KCNN2: variants seen among roughly 807,000 people sequenced by gnomAD.
KCNN2 encodes potassium calcium-activated channel subfamily N member 2.
KCNN2 carries 24 observed loss-of-function variants against 55.5 expected under a neutral mutation model. The ratio of observed to expected loss-of-function variants is 0.43; its 90% CI spans 0.31 to 0.61. The LOEUF (loss-of-function observed/expected upper bound fraction) is 0.61, where lower values mean the gene tolerates loss of function less well. Ranked by LOEUF, KCNN2 falls within the 20% of genes least tolerant of loss-of-function variation. The probability of loss-of-function intolerance (pLI) is 0.08; values close to 1 mark genes in which losing one functional copy is unlikely to be tolerated. For synonymous variants in KCNN2, 431 were observed against 336.1 expected, an observed-to-expected ratio of 1.28 and a Z score of -3.09; for missense variants, 754 against 853.6, an observed-to-expected ratio of 0.88 and a Z score of 1.45.
chr5:114,272,730 C>T (rs1478952932), intron 2 of KCNN2, among the ~76,000 whole-genome samples: 2 of 151,954 alleles, frequency 1.3e-5, no homozygotes, highest in African/African-American at 4.8e-5. Flanking sequence ...TTAATGTTGG[C>T]TTTTTTGCCT....
chr5:114,094,728 C>A (rs1043834305), intron 1 of KCNN2, among the ~76,000 whole-genome samples: 1 of 152,120 alleles, frequency 6.6e-6, no homozygotes, highest in East Asian at 1.9e-4. Flanking sequence ...CCTATTTTGA[C>A]AATTATAAGA....
chr5:114,431,127 C>T (rs773335584), intron 3 of KCNN2, among the ~76,000 whole-genome samples: 4 of 152,192 alleles, frequency 2.6e-5, no homozygotes, highest in Non-Finnish European at 4.4e-5. Flanking sequence ...ACCCCCCCAT[C>T]CCGGCTTCTG....
At chr5:114,132,121 G>A (rs1311363360) in intron 1 of KCNN2, among the ~76,000 whole-genome samples, 1 of 152,136 alleles carries the variant, frequency 6.6e-6, no homozygotes, top group Admixed American at 6.5e-5. Flanking sequence ...CTGTGCAGAA[G>A]CTCTTTAGTT....
At chr5:114,326,150 G>T (rs375156257) in intron 2 of KCNN2, among the ~76,000 whole-genome samples, 10 of 152,214 alleles carry the variant, frequency 6.6e-5, no homozygotes, top group African/African-American at 2.2e-4. Flanking sequence ...TGTGATATTT[G>T]TGTGAAGGAG....
intron 2 of KCNN2, among the ~76,000 whole-genome samples, chr5:114,314,765 T>G (rs967143247): frequency 6.6e-6 from 1 of 152,120 alleles, no homozygotes; most frequent in African/African-American, 2.4e-5. Context: ...CCAGGCCCAC[T>G]CACTTGCCAA....
intron 3 of KCNN2, among the ~76,000 whole-genome samples, chr5:114,457,718 C>T (rs530752343): frequency 6.6e-6 from 1 of 152,264 alleles, no homozygotes; most frequent in East Asian, 1.9e-4. Flanking sequence ...CTTTTGAATT[C>T]TTAACCTCCC....
chr5:114,200,700 GTA>G (rs957467759), intron 1 of KCNN2, among the ~76,000 whole-genome samples: 3 of 151,754 alleles, frequency 2.0e-5, no homozygotes, highest in African/African-American at 7.3e-5. Context: ...TCCTGAGGAT[GTA>G]TATATCTGTT....
In KCNN2 at chr5:114,362,826, G is replaced by A. The variant is rs751773183; in HGVS notation, c.687G>A (p.Leu229=). The change falls in exon 1 of 8, where the codon TTG becomes TTA. Residue 229 remains leucine, a synonymous_variant. Transcript: ENST00000673685. The part of the protein sequence containing the change: ...NGGVMRPLSN[L]SASRRNLHEM... ...GCGTCATGCGGCCGCTCAGCAACTT[G>A]AGCGCGTCCCGCCGGAACCTGCACG... 36 of 1,599,344 alleles carry A rather than the reference G, an allele frequency of 2.3e-5. No homozygotes were observed. The highest frequency in any genetic ancestry group is 2.8e-5 in the Non-Finnish European group (33 of 1,178,328).
intron 1 of KCNN2, among the ~76,000 whole-genome samples, chr5:114,197,352 G>A (rs569578223): frequency 1.3e-5 from 2 of 152,270 alleles, no homozygotes; most frequent in South Asian, 4.1e-4. Flanking sequence ...TTGGTTTATA[G>A]AATTGTTCAA....
intron 2 of KCNN2, among the ~76,000 whole-genome samples, chr5:114,233,233 T>C (rs569195699): frequency 3.3e-5 from 5 of 152,238 alleles, no homozygotes; most frequent in African/African-American, 1.2e-4. Flanking sequence ...TGTTTCTTGT[T>C]TTAACAGATA....
intron 2 of KCNN2, among the ~76,000 whole-genome samples, chr5:114,241,777 TATATAC>T (rs1754639899): frequency 1.1e-4 from 2 of 18,862 alleles, no homozygotes; most frequent in East Asian, 2.2e-3. Context: ...TATATATACA[TATATAC>T]GTATATATAT....
chr5:114,246,420 G>A (rs1040982425), intron 2 of KCNN2, among the ~76,000 whole-genome samples: 1 of 152,044 alleles, frequency 6.6e-6, no homozygotes, highest in Non-Finnish European at 1.5e-5. Flanking sequence ...CATTTTTCAT[G>A]GTTATGAATA....
At chr5:114,437,260 A>G (rs1036200253) in intron 3 of KCNN2, among the ~76,000 whole-genome samples, 8 of 152,202 alleles carry the variant, frequency 5.3e-5, no homozygotes, top group African/African-American at 1.2e-4. Flanking sequence ...TCCCAGAACA[A>G]TGGAACAGCA....
chr5:114,147,568 G>C (rs1042188007), intron 1 of KCNN2, among the ~76,000 whole-genome samples: 10 of 152,254 alleles, frequency 6.6e-5, no homozygotes, highest in African/African-American at 1.9e-4. Flanking sequence ...AGGCAAATTT[G>C]GGTCAATATG....
intron 3 of KCNN2, among the ~76,000 whole-genome samples, chr5:114,413,562 C>T (rs1759201512): frequency 6.6e-6 from 1 of 152,240 alleles, no homozygotes; most frequent in Non-Finnish European, 1.5e-5. Context: ...GCTGGGATTA[C>T]AGGCGTGAGC....
chr5:114,370,317 T>C (rs929319957), intron 2 of KCNN2, among the ~76,000 whole-genome samples: 1 of 152,150 alleles, frequency 6.6e-6, no homozygotes, highest in Non-Finnish European at 1.5e-5. Flanking sequence ...TCAGGTGAAG[T>C]CTCATTTTAT....
At chr5:114,416,764 A>G (rs1759318997) in intron 3 of KCNN2, among the ~76,000 whole-genome samples, 1 of 152,180 alleles carries the variant, frequency 6.6e-6, no homozygotes, top group Non-Finnish European at 1.5e-5. Context: ...TAAAAATAAG[A>G]TTTTACGGAC....
chr5:114,098,278 C>T (rs1458567865), intron 1 of KCNN2, among the ~76,000 whole-genome samples: 1 of 152,060 alleles, frequency 6.6e-6, no homozygotes, highest in African/African-American at 2.4e-5. Context: ...AGGGAACATT[C>T]ACAGCTTCTG....
intron 3 of KCNN2, among the ~76,000 whole-genome samples, chr5:114,424,681 T>G (rs1384242534): frequency 6.6e-6 from 1 of 152,182 alleles, no homozygotes; most frequent in Non-Finnish European, 1.5e-5. Flanking sequence ...CCTAGGCTAG[T>G]GGGGAGGGGT....
Sources: allele counts gnomAD v4.1 joint callset (sites outside exome capture counted in the v4.1 genomes callset), GRCh38; gene constraint gnomAD v4.1.1; transcripts MANE v1.5; gene names NCBI Gene and HGNC (gene_info 2026-07-23, HGNC 2026-07-21).